MALRD1: variants seen among roughly 807,000 people sequenced by gnomAD.
The protein encoded by MALRD1 is MAM and LDL receptor class A domain containing 1, also known as MAM and LDL-receptor class A domain-containing protein 1.
MALRD1 carries 247 observed loss-of-function variants against 242.1 expected under a neutral mutation model. The observed-to-expected ratio is 1.02, with a 90% CI of 0.92 to 1.13. The LOEUF is 1.13. MALRD1 is among the 50% of genes most tolerant of loss of function. MALRD1 has a pLI of 0.00. For synonymous variants in MALRD1, 995 were observed against 866.6 expected (o/e 1.15, Z -2.60); for missense variants, 2,989 against 2,533.1 (o/e 1.18, Z -3.86).
chr10:19,062,861 C>T (rs150781258), intron 1 of MALRD1, among the ~76,000 whole-genome samples: 2,289 of 152,196 alleles, frequency 0.015, 194 homozygotes, highest in Admixed American at 0.14. Flanking sequence ...GAACTACACA[C>T]TTAAGAATGG....
intron 36 of MALRD1, among the ~76,000 whole-genome samples, chr10:19,638,441 T>G (rs1840243320): frequency 6.6e-6 from 1 of 152,012 alleles, no homozygotes; most frequent in Admixed American, 6.6e-5. Flanking sequence ...TAGCAGAAGG[T>G]TTATTTTAGA....
chr10:19,616,299 T>C (rs1378173568), intron 36 of MALRD1, among the ~76,000 whole-genome samples: 1 of 152,066 alleles, frequency 6.6e-6, no homozygotes, highest in Non-Finnish European at 1.5e-5. Flanking sequence ...TCAATGTTCT[T>C]ATTTCTCTTT....
chr10:19,432,116 T>C (rs1834156697), intron 28 of MALRD1, among the ~76,000 whole-genome samples: 1 of 152,172 alleles, frequency 6.6e-6, no homozygotes, highest in South Asian at 2.1e-4. Flanking sequence ...TTAGTGAGCC[T>C]TTTCTATACA....
chr10:19,088,565 T>TA (rs1835762149), intron 4 of MALRD1, among the ~76,000 whole-genome samples: 1 of 88,362 alleles, frequency 1.1e-5, no homozygotes, highest in Non-Finnish European at 2.1e-5. Flanking sequence ...TTTATAAAGT[T>TA]TTTTTTTATT....
rs548889553 is a variant in MALRD1 at position 19,317,861 on chromosome 10, G to A, written c.3420-6088G>A. Among the ~76,000 whole-genome samples, 8 of 152,126 alleles carry A rather than the reference G, an allele frequency of 5.3e-5. No individual in the cohort carries two copies. In the South Asian group the frequency reaches 1.7e-3, roughly 32 times the overall value. The stretch of plus-strand genomic sequence containing the variant: ...GACTATAAATCAGATCTCTTTTTAT[G>A]TAATGACTTTTAAAATGACTTGTAC... On this transcript the variant is annotated intron_variant, in intron 21 of 39. Transcript: ENST00000454679.
intron 29 of MALRD1, among the ~76,000 whole-genome samples, chr10:19,480,382 TG>T (rs1273586656): frequency 1.3e-5 from 2 of 151,950 alleles, no homozygotes; most frequent in African/African-American, 4.8e-5. Context: ...CCAAGGAAAA[TG>T]AGTTGGAGTC....
intron 10 of MALRD1, among the ~76,000 whole-genome samples, chr10:19,138,816 A>T (rs1306304513): frequency 6.6e-6 from 1 of 151,966 alleles, no homozygotes; most frequent in East Asian, 1.9e-4. Flanking sequence ...TTAGCATTTG[A>T]TTTTCGACAT....
chr10:19,188,127 G>A (rs936798979), intron 14 of MALRD1, among the ~76,000 whole-genome samples: 1 of 152,128 alleles, frequency 6.6e-6, no homozygotes, highest in Non-Finnish European at 1.5e-5. Context: ...GGAGCATTTT[G>A]AACAGAAGAC....
At chr10:19,074,760 C>T (rs1427916060) in intron 2 of MALRD1, among the ~76,000 whole-genome samples, 1 of 151,848 alleles carries the variant, frequency 6.6e-6, no homozygotes, top group Non-Finnish European at 1.5e-5. Flanking sequence ...ATTTGCTTTT[C>T]ATTTGGCAGC....
chr10:19,592,768 C>T (rs1345136197), intron 33 of MALRD1, among the ~76,000 whole-genome samples: 12 of 20,092 alleles, frequency 6.0e-4, no homozygotes, highest in African/African-American at 1.2e-3. Context: ...CACACGCACG[C>T]ACACACACAC....
chr10:19,125,514 A>G (rs962981187), intron 7 of MALRD1, among the ~76,000 whole-genome samples: 2 of 141,756 alleles, frequency 1.4e-5, no homozygotes, highest in African/African-American at 2.6e-5. Context: ...TTTTCTGTTT[A>G]CTTTTATTCT....
At chr10:19,671,662 A>G (rs1431551646) in intron 36 of MALRD1, among the ~76,000 whole-genome samples, 3 of 152,180 alleles carry the variant, frequency 2.0e-5, no homozygotes, top group African/African-American at 7.2e-5. Flanking sequence ...TATCGCTACA[A>G]ACACCACCAA....
chr10:19,442,764 A>G (rs1013599725), intron 28 of MALRD1, among the ~76,000 whole-genome samples: 3 of 151,974 alleles, frequency 2.0e-5, no homozygotes, highest in South Asian at 2.1e-4. Context: ...CATCAGAGAT[A>G]TTTTTCTAAA....
intron 29 of MALRD1, among the ~76,000 whole-genome samples, chr10:19,457,711 C>T (rs1405716652): frequency 6.8e-6 from 1 of 148,002 alleles, no homozygotes; most frequent in Admixed American, 6.9e-5. Context: ...TGGTCCAAGG[C>T]CACAGGGAGA....
intron 34 of MALRD1, 70 bp from the exon 35 acceptor site, chr10:19,607,707 T>G: frequency 6.7e-7 from 1 of 1,502,602 alleles, no homozygotes; most frequent in Admixed American, 2.2e-5. Flanking sequence ...TGTTATTTTG[T>G]TGTGAGAATT....
At chr10:19,445,681 G>A (rs990497272) in intron 28 of MALRD1, among the ~76,000 whole-genome samples, 1 of 152,186 alleles carries the variant, frequency 6.6e-6, no homozygotes, top group Admixed American at 6.5e-5. Flanking sequence ...GTCTCAGAGG[G>A]GCACCCAGCT....
intron 18 of MALRD1, among the ~76,000 whole-genome samples, chr10:19,242,135 C>G (rs1252152478): frequency 2.6e-5 from 4 of 152,146 alleles, no homozygotes; most frequent in African/African-American, 7.2e-5. Flanking sequence ...CATAGTTCCA[C>G]TTGGCTGGGG....
chr10:19,607,976 A>C, intron 35 of MALRD1, 74 bp downstream of exon 35: 1 of 1,505,538 alleles, frequency 6.6e-7, no homozygotes, highest in Non-Finnish European at 8.9e-7. Context: ...AAAATATTAA[A>C]ACTTGAGGTT....
chr10:19,490,439 G>A (rs900035839), intron 29 of MALRD1, among the ~76,000 whole-genome samples: 1 of 139,528 alleles, frequency 7.2e-6, no homozygotes, highest in African/African-American at 2.6e-5. Flanking sequence ...CATACCTCTC[G>A]TTAAAACTGA....
Sources: gnomAD v4.1 joint callset for allele counts (sites outside exome capture counted in the v4.1 genomes callset) on GRCh38, gnomAD v4.1.1 for gene constraint, MANE v1.5 for transcripts, NCBI Gene and HGNC (gene_info 2026-07-23, HGNC 2026-07-21) for gene names.